Variants in SLC9A9 observed in about 807,000 individuals in gnomAD.
SLC9A9 encodes the protein sodium/hydrogen exchanger 9.
SLC9A9 carries 62 observed loss-of-function variants against 77.8 expected under a neutral mutation model. The ratio of observed to expected loss-of-function variants is 0.80; its 90% confidence interval spans 0.65 to 0.98. The LOEUF (loss-of-function observed/expected upper bound fraction) is 0.98. Ranked by LOEUF, SLC9A9 falls within the 50% of genes least tolerant of loss-of-function variation. The pLI is 0.00. For synonymous variants in SLC9A9, 320 were observed against 283.5 expected (o/e 1.13, Z -1.29); for missense variants, 775 against 774.9 (o/e 1.00, Z 0.00).
At chr3:143,757,209 T>G (rs375673639) in intron 4 of SLC9A9, among the ~76,000 whole-genome samples, 50 of 152,186 alleles carry the variant, frequency 3.3e-4, no homozygotes, top group African/African-American at 1.1e-3. Flanking sequence ...ATTTCAATAA[T>G]GTAGATTTGC....
chr3:143,371,477 C>G (rs1559886807), intron 13 of SLC9A9, among the ~76,000 whole-genome samples: 1 of 152,028 alleles, frequency 6.6e-6, no homozygotes, highest in Non-Finnish European at 1.5e-5. Context: ...ATTCATAAGA[C>G]ATAGCATATC....
chr3:143,420,838 T>C (rs2034285623), intron 12 of SLC9A9, among the ~76,000 whole-genome samples: 1 of 152,148 alleles, frequency 6.6e-6, no homozygotes, highest in African/African-American at 2.4e-5. Context: ...AAAGTCAAAT[T>C]GTCTCTCTTT....
At chr3:143,437,319 G>A (rs372703608) in intron 12 of SLC9A9, among the ~76,000 whole-genome samples, 5 of 152,312 alleles carry the variant, frequency 3.3e-5, no homozygotes, top group African/African-American at 1.2e-4. Context: ...TCCTCTGTTT[G>A]CTTGCAAGCC....
chr3:143,503,900 G>A (rs1356482803), intron 9 of SLC9A9: 3 of 370,552 alleles, frequency 8.1e-6, no homozygotes, highest in Admixed American at 3.4e-5. Flanking sequence ...GGCATCAGAG[G>A]AGGGGGCAGA....
chr3:143,795,025 G>A lies in SLC9A9; in HGVS notation c.509C>T (p.Thr170Ile). Residue 170 changes from threonine (T) to isoleucine (I), a missense_variant, in exon 4 of 16, where the codon ACT becomes ATT. Transcript: ENST00000316549. ...CCCTATGACGATGCAGGAGATGGCA[G>A]TTCCCAAGAAGGCATACGTTAAAAT... is the stretch of plus-strand genomic sequence containing the variant. The part of the protein sequence containing the change: ...GSILTYAFLG[T>I]AISCIVIGLI... 1 of 1,613,934 alleles carries A rather than the reference G, an allele frequency of 6.2e-7. No individual in the cohort carries two copies. The highest frequency in any genetic ancestry group is 8.5e-7 in the Non-Finnish European group (1 of 1,179,932).
chr3:143,272,370 T>C (rs1035118131), intron 14 of SLC9A9, among the ~76,000 whole-genome samples: 1 of 152,198 alleles, frequency 6.6e-6, no homozygotes, highest in Non-Finnish European at 1.5e-5. Context: ...AGTGTGGCAC[T>C]TCTTAGATAC....
chr3:143,734,696 T>G (rs1263903535), intron 4 of SLC9A9, among the ~76,000 whole-genome samples: 2 of 141,734 alleles, frequency 1.4e-5, no homozygotes, highest in East Asian at 4.1e-4. Flanking sequence ...ATCCCGCCAC[T>G]GCACTCCAGC....
At chr3:143,693,096 T>A in intron 5 of SLC9A9, 96 bp downstream of exon 5, 1 of 889,618 alleles carries the variant, frequency 1.1e-6, no homozygotes, top group Non-Finnish European at 1.8e-6. Context: ...AAATAGAAAT[T>A]ATTATTATGT....
intron 13 of SLC9A9, 67 bp from the exon 14 acceptor site, chr3:143,363,630 G>A (rs540171223): frequency 3.1e-5 from 43 of 1,381,730 alleles, no homozygotes; most frequent in Non-Finnish European, 3.6e-5. Context: ...AAAAATACAT[G>A]TCAAACCAAG....
intron 6 of SLC9A9, among the ~76,000 whole-genome samples, chr3:143,613,971 T>C (rs976843023): frequency 2.0e-5 from 3 of 152,202 alleles, no homozygotes; most frequent in African/African-American, 4.8e-5. Flanking sequence ...ATTAGCACTT[T>C]TAATATTGAA....
chr3:143,478,001 C>G (rs1044558060), intron 11 of SLC9A9, among the ~76,000 whole-genome samples: 1 of 152,232 alleles, frequency 6.6e-6, no homozygotes, highest in African/African-American at 2.4e-5. Context: ...CGCTCTAGCT[C>G]TGCCCCTTTC....
chr3:143,655,354 G>A lies in SLC9A9; in HGVS notation c.650-2994C>T, dbSNP rs113532902. On this transcript the variant is annotated intron_variant, in intron 5 of 15. Coordinates refer to ENST00000316549, the MANE Select transcript of SLC9A9 (RefSeq NM_173653.4). ...GTCCAAGGCAGGACTAAAAGTCAAT[G>A]CCCATGTAAATGAGAGTTCTTGGGA... is the stretch of plus-strand genomic sequence containing the variant. 2,255 of 516,802 alleles carry A rather than the reference G, an allele frequency of 4.4e-3. 54 individuals carry two copies. In the African/African-American group the frequency reaches 0.044, roughly 10 times the overall value. 32.0% of individuals were successfully genotyped at this position (516,802 alleles called of 1,614,324 possible). A position where few individuals can be genotyped will look rare whatever the true frequency, so the allele number is the denominator to read the frequency against.
intron 6 of SLC9A9, among the ~76,000 whole-genome samples, chr3:143,618,681 G>A (rs1186227353): frequency 1.3e-5 from 2 of 152,174 alleles, no homozygotes; most frequent in Non-Finnish European, 2.9e-5. Flanking sequence ...CTACAGGGGA[G>A]ACATTTCTTG....
intron 9 of SLC9A9, among the ~76,000 whole-genome samples, chr3:143,539,564 T>A (rs1234760415): frequency 6.6e-6 from 1 of 152,206 alleles, no homozygotes; most frequent in Non-Finnish European, 1.5e-5. Context: ...TTTCCATTTA[T>A]CATTCTAAAA....
intron 6 of SLC9A9, among the ~76,000 whole-genome samples, chr3:143,598,066 G>A (rs2037788433): frequency 6.6e-6 from 1 of 151,982 alleles, no homozygotes; most frequent in Non-Finnish European, 1.5e-5. Flanking sequence ...GAGCTCTCCA[G>A]TCCCTGGTAA....
intron 12 of SLC9A9, among the ~76,000 whole-genome samples, chr3:143,445,762 G>C (rs1181301959): frequency 6.6e-6 from 1 of 152,188 alleles, no homozygotes. Flanking sequence ...TGGCCAGGGA[G>C]GTATGAGATT....
At chr3:143,755,089 T>A (rs1194874014) in intron 4 of SLC9A9, among the ~76,000 whole-genome samples, 1 of 152,198 alleles carries the variant, frequency 6.6e-6, no homozygotes, top group African/African-American at 2.4e-5. Flanking sequence ...TATGGCACCA[T>A]CAAAACCTTG....
chr3:143,626,377 C>T (rs926947603), intron 6 of SLC9A9, among the ~76,000 whole-genome samples: 1 of 152,082 alleles, frequency 6.6e-6, no homozygotes, highest in Non-Finnish European at 1.5e-5. Context: ...AAATGTCCAA[C>T]AATGATAGAC....
intron 8 of SLC9A9, among the ~76,000 whole-genome samples, chr3:143,560,022 A>G (rs753718732): frequency 1.7e-4 from 26 of 152,146 alleles, no homozygotes; most frequent in Non-Finnish European, 3.5e-4. Context: ...TACAGCTTAT[A>G]TCACTGTCCT....
Sources: gnomAD v4.1 joint callset for allele counts (sites outside exome capture counted in the v4.1 genomes callset) on GRCh38, gnomAD v4.1.1 for gene constraint, MANE v1.5 for transcripts, NCBI Gene and HGNC (gene_info 2026-07-23, HGNC 2026-07-21) for gene names.